Variants in SEPTIN9 observed in about 807,000 individuals in gnomAD.
SEPTIN9 encodes septin 9.
SEPTIN9 carries 13 observed loss-of-function variants against 56.6 expected under a neutral mutation model. The observed-to-expected ratio is 0.23, with a 90% confidence interval of 0.15 to 0.37. SEPTIN9 has a LOEUF of 0.37. SEPTIN9 is among the 10% of genes least tolerant of loss of function. SEPTIN9 has a pLI of 1.00. For synonymous variants in SEPTIN9, 332 were observed against 334.1 expected, an observed-to-expected ratio of 0.99 and a Z score of 0.07; for missense variants, 650 against 823.1, an observed-to-expected ratio of 0.79 and a Z score of 2.57.
At chr17:77,486,515 TGTGTGTGC>T (rs2039790636) in intron 4 of SEPTIN9, among the ~76,000 whole-genome samples, 1 of 103,562 alleles carries the variant, frequency 9.7e-6, no homozygotes, top group Non-Finnish European at 2.0e-5. Flanking sequence ...TGTGTGTGTG[TGTGTGTGC>T]GCGCACGCGC....
rs896371185 is a variant in SEPTIN9, at chr17:77,499,969, C to G, written c.*1311C>G. On this transcript the variant is annotated 3_prime_UTR_variant, in exon 12 of 12. Transcript: ENST00000427177. Reference sequence around the variant, plus strand: ...CGGCCCGGCCCCTCACCCTCTGTCCCCACGAGGGGACCCATGGGGGCTGTC... The same window carrying G: ...CGGCCCGGCCCCTCACCCTCTGTCCGCACGAGGGGACCCATGGGGGCTGTC... The G allele has an allele frequency of 4.2e-6, 1 of 240,430 alleles. No homozygotes were observed. Among genetic ancestry groups the G allele is most frequent in the Non-Finnish European group, 8.2e-6 (1 of 122,404 alleles). 14.9% of individuals were successfully genotyped at this position (240,430 alleles called of 1,614,324 possible).
At chr17:77,311,465 G>A (rs1404534136) in intron 2 of SEPTIN9, among the ~76,000 whole-genome samples, 4 of 152,170 alleles carry the variant, frequency 2.6e-5, no homozygotes, top group Admixed American at 6.5e-5. Flanking sequence ...CACAGGGGAC[G>A]CCTGCACAAG....
At chr17:77,481,274 C>T (rs1402323096) in intron 3 of SEPTIN9, among the ~76,000 whole-genome samples, 1 of 152,248 alleles carries the variant, frequency 6.6e-6, no homozygotes, top group Non-Finnish European at 1.5e-5. Context: ...GGAAGTTCAG[C>T]TCCACGTGCC....
At chr17:77,412,400 C>T (rs986952708) in intron 3 of SEPTIN9, among the ~76,000 whole-genome samples, 1 of 152,172 alleles carries the variant, frequency 6.6e-6, no homozygotes, top group Non-Finnish European at 1.5e-5. Flanking sequence ...GTTCTCTTTT[C>T]ATTTGGAAGG....
chr17:77,395,860 A>G (rs1413081316), intron 2 of SEPTIN9, among the ~76,000 whole-genome samples: 1 of 152,164 alleles, frequency 6.6e-6, no homozygotes, highest in African/African-American at 2.4e-5. Flanking sequence ...ATCTGCGGAA[A>G]CCCGGACTGT....
rs956392512 is a variant in SEPTIN9, at chr17:77,406,002, C to A, written c.721+3299C>A. 3.3e-5 allele frequency among the ~76,000 whole-genome samples: 5 copies of A among 152,366 alleles called. No individual in the cohort carries two copies. In the East Asian group the frequency reaches 7.7e-4, roughly 24 times the overall value. On this transcript the variant is annotated intron_variant, in intron 3 of 11. Transcript: ENST00000427177. The stretch of plus-strand genomic sequence containing the variant: ...GGGAGTTCCGTGCCCTCTGAGCAGA[C>A]GCCCAGCCCCTTGGCTTCTGCCTGC...
rs1314383497 is a variant in SEPTIN9 at position 77,329,101 on chromosome 17, G to T, written c.76+21904G>T. 1.3e-5 allele frequency among the ~76,000 whole-genome samples: 2 copies of T among 152,230 alleles called. No individual in the cohort carries two copies. The highest frequency in any genetic ancestry group is 2.9e-5 in the Non-Finnish European group (2 of 68,040). On this transcript the variant is annotated intron_variant, in intron 2 of 11. Coordinates refer to ENST00000427177, the MANE Select transcript of SEPTIN9 (RefSeq NM_001113491.2). The surrounding 1 kb of genome is among the most constrained non-coding windows in gnomAD (Gnocchi z 4.3). Reference sequence around the variant, plus strand: ...ACACCAATGCGACAGGCAGGGCCAGGTCGTGCCGGGCCTTGGAGGCCCTGG... The same window carrying T: ...ACACCAATGCGACAGGCAGGGCCAGTTCGTGCCGGGCCTTGGAGGCCCTGG...
At chr17:77,350,319 C>T (rs371952779) in intron 2 of SEPTIN9, among the ~76,000 whole-genome samples, 1 of 152,218 alleles carries the variant, frequency 6.6e-6, no homozygotes, top group South Asian at 2.1e-4. Flanking sequence ...AGAAAGGAGC[C>T]CCCAAAGGCA....
chr17:77,388,810 C>CTTTTTTTTTTTT (rs5822196), intron 2 of SEPTIN9, among the ~76,000 whole-genome samples: 49 of 78,050 alleles, frequency 6.3e-4, no homozygotes, highest in East Asian at 1.2e-3. Context: ...GTGTTAGGCG[C>CTTTTTTTTTTTT]TTTTTTTTTT....
chr17:77,490,793 C>T lies in SEPTIN9; in HGVS notation c.1314C>T (p.Asn438=). 1 of 1,595,410 alleles carries T rather than the reference C, an allele frequency of 6.3e-7. No individual in the cohort carries two copies. Among genetic ancestry groups the T allele is most frequent in the Non-Finnish European group, 8.5e-7 (1 of 1,170,816 alleles). The change falls in exon 8 of 12, where the codon AAC becomes AAT. Residue 438 remains asparagine, a synonymous_variant. Transcript: ENST00000427177. ...TGAAACGCCTGAGCAAGGTGGTCAA[C>T]ATCGTCCCTGTCATCGCCAAGGCGG... The part of the protein sequence containing the change: ...EFMKRLSKVV[N]IVPVIAKADT...
intron 2 of SEPTIN9, among the ~76,000 whole-genome samples, chr17:77,328,911 A>G (rs956483252): frequency 5.9e-5 from 9 of 152,192 alleles, no homozygotes. Context: ...GCCCTTTCTG[A>G]GTGGTGACAC....
At chr17:77,392,822 C>T (rs746403453) in intron 2 of SEPTIN9, among the ~76,000 whole-genome samples, 6 of 152,154 alleles carry the variant, frequency 3.9e-5, no homozygotes, top group Non-Finnish European at 8.8e-5. Flanking sequence ...AAATGTGGCT[C>T]TCTGTGGGGA....
At chr17:77,334,028 T>G (rs1279834229) in intron 2 of SEPTIN9, among the ~76,000 whole-genome samples, 2 of 152,232 alleles carry the variant, frequency 1.3e-5, no homozygotes, top group East Asian at 1.9e-4. Flanking sequence ...TACAGGCTTC[T>G]GCTCTTTGTC....
At chr17:77,467,903 G>A (rs1421362102) in intron 3 of SEPTIN9, among the ~76,000 whole-genome samples, 2 of 152,144 alleles carry the variant, frequency 1.3e-5, no homozygotes, top group Admixed American at 6.5e-5. Flanking sequence ...TGCTTCGGAC[G>A]TGTAAGGTTT....
In SEPTIN9 at chr17:77,435,076, T is replaced by C. The variant is rs1476705777; in HGVS notation, c.721+32373T>C. Reference sequence around the variant, plus strand: ...CTTTACCTGGAGTAAGTATCCCCTTTAATCCTCCCAACAACACTGTGAAAT... The same window carrying C: ...CTTTACCTGGAGTAAGTATCCCCTTCAATCCTCCCAACAACACTGTGAAAT... On this transcript the variant is annotated intron_variant, in intron 3 of 11. Transcript: ENST00000427177. This position sits in a 1 kb window ranked among gnomAD's most constrained non-coding sequence, Gnocchi z 4.5. Among the ~76,000 whole-genome samples, 1 of 152,146 alleles carries C rather than the reference T, an allele frequency of 6.6e-6. No homozygotes were observed. The highest frequency in any genetic ancestry group is 1.5e-5 in the Non-Finnish European group (1 of 68,024).
intron 3 of SEPTIN9, among the ~76,000 whole-genome samples, chr17:77,414,321 C>T (rs943256577): frequency 2.4e-4 from 36 of 151,912 alleles, no homozygotes; most frequent in Admixed American, 7.9e-4. Context: ...GTGATCCACC[C>T]GCCTCAGCCT....
At chr17:77,357,769 C>G (rs1458757556) in intron 2 of SEPTIN9, among the ~76,000 whole-genome samples, 1 of 152,154 alleles carries the variant, frequency 6.6e-6, no homozygotes, top group African/African-American at 2.4e-5. Flanking sequence ...CATCCACCAC[C>G]ACACCCAGCT....
Position 77,492,200 on chromosome 17 carries a change from C to T in SEPTIN9, c.1381-421C>T, listed in dbSNP as rs1287962252. 6.6e-6 allele frequency among the ~76,000 whole-genome samples: 1 copy of T among 152,154 alleles called. No homozygotes were observed. The highest frequency in any genetic ancestry group is 2.4e-5 in the African/African-American group (1 of 41,430). On this transcript the variant is annotated intron_variant, in intron 8 of 11. Transcript: ENST00000427177. The surrounding 1 kb of genome is among the most constrained non-coding windows in gnomAD (Gnocchi z 5.4). ...CGCTCACTGGGATGTTTCTGTTGCA[C>T]GTACCCATGTCGGGCTGCTGGCAGG...
chr17:77,477,171 AT>A (rs2143132215), intron 3 of SEPTIN9, among the ~76,000 whole-genome samples: 1 of 150,064 alleles, frequency 6.7e-6, no homozygotes, highest in South Asian at 2.1e-4. Flanking sequence ...TGGGGATATA[AT>A]TTCCATATTA....
Sources: gnomAD v4.1 joint callset for allele counts (sites outside exome capture counted in the v4.1 genomes callset) on GRCh38, gnomAD v4.1.1 for gene constraint, Gnocchi (gnomAD v3.1) non-coding constraint, MANE v1.5 for transcripts, NCBI Gene and HGNC (gene_info 2026-07-23, HGNC 2026-07-21) for gene names.